ATP8A2: variants seen among roughly 807,000 people sequenced by gnomAD.
ATP8A2 encodes the protein phospholipid-transporting ATPase IB.
Under a neutral mutation model 165.6 loss-of-function variants are expected in ATP8A2, and 100 were observed. That is an observed-to-expected ratio of 0.60 (90% CI 0.51 to 0.71). The LOEUF (loss-of-function observed/expected upper bound fraction) is 0.71. Among genes scored for constraint, ATP8A2 ranks in the 30% least tolerant of loss-of-function variants. The pLI is 0.00. For missense variants in ATP8A2, 1,227 were observed against 1,479.5 expected (o/e 0.83, Z 2.80); for synonymous variants, 543 against 548.8 (o/e 0.99, Z 0.15).
intron 1 of ATP8A2, among the ~76,000 whole-genome samples, chr13:25,405,895 C>G (rs1008461470): frequency 1.1e-4 from 16 of 152,226 alleles, no homozygotes; most frequent in Non-Finnish European, 1.9e-4. Flanking sequence ...TCCCCTTTAA[C>G]TCTTTTTTTA....
At chr13:25,718,667 C>T (rs1402516735) in intron 25 of ATP8A2, among the ~76,000 whole-genome samples, 2 of 152,062 alleles carry the variant, frequency 1.3e-5, no homozygotes, top group Non-Finnish European at 2.9e-5. Flanking sequence ...AAGAGCACCC[C>T]CTGAGACAGA....
Position 25,669,132 on chromosome 13 carries a change from G to A in ATP8A2, c.2212-30041G>A, listed in dbSNP as rs2042214700. 2.6e-5 allele frequency among the ~76,000 whole-genome samples: 4 copies of A among 151,590 alleles called. No homozygotes were observed. In the South Asian group the frequency reaches 8.3e-4, roughly 32 times the overall value. On this transcript the variant is annotated intron_variant, in intron 24 of 36. Transcript: ENST00000381655. ...CTTGTAATTTTTTTTTTGAAAACTA[G>A]TTGTTTTGAATATTGTTATATGGTA...
At chr13:25,548,086 C>T (rs766770158) in intron 10 of ATP8A2, among the ~76,000 whole-genome samples, 43 of 151,940 alleles carry the variant, frequency 2.8e-4, no homozygotes, top group Non-Finnish European at 5.9e-4. Context: ...ATTAGCTGGG[C>T]GTGGTGGTAT....
At chr13:25,608,416 G>A (rs967333159) in intron 24 of ATP8A2, among the ~76,000 whole-genome samples, 4 of 152,194 alleles carry the variant, frequency 2.6e-5, no homozygotes, top group African/African-American at 4.8e-5. Context: ...ATGACAGTAT[G>A]TTCTCTACTC....
At chr13:25,571,254 G>A (rs1593556764) in intron 17 of ATP8A2, among the ~76,000 whole-genome samples, 1 of 152,140 alleles carries the variant, frequency 6.6e-6, no homozygotes, top group Admixed American at 6.5e-5. Flanking sequence ...TGAGGCTTGG[G>A]AATCCCACAG....
Position 25,839,118 on chromosome 13 carries a change from A to G in ATP8A2, c.2878-428A>G, listed in dbSNP as rs531690395. Among the ~76,000 whole-genome samples, 11 of 152,334 alleles carry G rather than the reference A, an allele frequency of 7.2e-5. No individual in the cohort carries two copies. The South Asian group carries it at 2.3e-3, about 32-fold the overall frequency. On this transcript the variant is annotated intron_variant, in intron 29 of 36. Transcript: ENST00000381655. ...GTTTTCAGTGCTTTTAAGACATCCCATCTGCCCCGACACAGTTTAATTGTT... is the reference window on the plus strand; with the variant it reads ...GTTTTCAGTGCTTTTAAGACATCCCGTCTGCCCCGACACAGTTTAATTGTT...
intron 33 of ATP8A2, among the ~76,000 whole-genome samples, chr13:25,914,241 A>C (rs1035192163): frequency 6.6e-6 from 1 of 151,988 alleles, no homozygotes; most frequent in Admixed American, 6.5e-5. Flanking sequence ...GTGTTTTCCT[A>C]TGGTATCACT....
chr13:25,437,878 A>C (rs1202916974), intron 1 of ATP8A2, among the ~76,000 whole-genome samples: 1 of 152,190 alleles, frequency 6.6e-6, no homozygotes, highest in African/African-American at 2.4e-5. Flanking sequence ...ATAATACCCA[A>C]AATGATTCTT....
intron 1 of ATP8A2, among the ~76,000 whole-genome samples, chr13:25,395,186 GA>G: frequency 6.6e-6 from 1 of 152,230 alleles, no homozygotes; most frequent in East Asian, 1.9e-4. Flanking sequence ...TAGGATGGTA[GA>G]GGGGCAGGGT....
Position 25,768,919 on chromosome 13 carries a change from C to T in ATP8A2, c.2385-127C>T, listed in dbSNP as rs951521638. On this transcript the variant is annotated intron_variant, in intron 25 of 36. Transcript: ENST00000381655. ...TTCTGAAAGCTTCTTTGCACATGAG[C>T]ATAAAATGGATGTATTGAATTTGGA... The T allele has an allele frequency of 2.6e-5, 23 of 887,822 alleles. No individual in the cohort carries two copies. The African/African-American group carries it at 3.7e-4, about 14-fold the overall frequency. 55.0% of individuals were successfully genotyped at this position (887,822 alleles called of 1,614,324 possible).
intron 27 of ATP8A2, among the ~76,000 whole-genome samples, chr13:25,810,512 CT>C (rs1005383413): frequency 1.1e-4 from 15 of 141,554 alleles, no homozygotes; most frequent in African/African-American, 1.0e-4. Context: ...GAACATCTGT[CT>C]TTTTTTTTTA....
intron 24 of ATP8A2, among the ~76,000 whole-genome samples, chr13:25,671,016 A>T (rs1188317053): frequency 2.0e-5 from 3 of 152,258 alleles, no homozygotes; most frequent in Non-Finnish European, 2.9e-5. Context: ...TGTTGCGGGA[A>T]GTCAGGGACC....
chr13:25,827,946 G>A (rs1361686575), intron 27 of ATP8A2, among the ~76,000 whole-genome samples, 172 bp from the exon 28 acceptor site: 2 of 152,172 alleles, frequency 1.3e-5, no homozygotes, highest in Non-Finnish European at 2.9e-5. Context: ...ATGGATTTCT[G>A]TGATATCGGG....
At position 25,379,310 on chromosome 13, in the gene ATP8A2, T is replaced by C. The variant is rs535438826; in HGVS notation, c.76+7022T>C. On this transcript the variant is annotated intron_variant, in intron 1 of 36. Transcript: ENST00000381655. ...AATATTTTAAGCACATTATGGAGACTGATTATATAGGAAACTGGGGTAAGC... is the reference window on the plus strand; with the variant it reads ...AATATTTTAAGCACATTATGGAGACCGATTATATAGGAAACTGGGGTAAGC... Among the ~76,000 whole-genome samples the C allele has an allele frequency of 3.3e-5, 5 of 152,326 alleles. No homozygotes were observed. In the East Asian group the frequency reaches 9.6e-4, roughly 29 times the overall value.
intron 29 of ATP8A2, 53 bp downstream of exon 29, chr13:25,837,338 A>T: frequency 6.3e-7 from 1 of 1,594,946 alleles, no homozygotes; most frequent in Non-Finnish European, 8.6e-7. Context: ...TGGCTGTTTG[A>T]TTCTAGTCAT....
intron 33 of ATP8A2, among the ~76,000 whole-genome samples, chr13:25,919,478 G>A (rs1954375794): frequency 6.6e-6 from 1 of 152,142 alleles, no homozygotes. Context: ...GCTGAGGAGG[G>A]CTGTCTGAGC....
intron 33 of ATP8A2, among the ~76,000 whole-genome samples, chr13:25,885,304 C>A (rs1323421619): frequency 6.6e-6 from 1 of 151,702 alleles, no homozygotes; most frequent in Non-Finnish European, 1.5e-5. Context: ...GTAGAGATGG[C>A]GTTTCACCAT....
chr13:25,491,670 G>A lies in ATP8A2; in HGVS notation c.221+22549G>A, dbSNP rs576165262. Among the ~76,000 whole-genome samples the A allele has an allele frequency of 2.0e-5, 3 of 152,334 alleles. No homozygotes were observed. In the South Asian group the frequency reaches 6.2e-4, roughly 32 times the overall value. On this transcript the variant is annotated intron_variant, in intron 2 of 36. Coordinates refer to ENST00000381655, the MANE Select transcript of ATP8A2 (RefSeq NM_016529.6). ...ATCTAACATTTAAGATAGCAAAACA[G>A]AGTATGAACTGCAGGGTATGATATT...
At chr13:25,538,531 C>T (rs1014180764) in intron 7 of ATP8A2, among the ~76,000 whole-genome samples, 1 of 152,174 alleles carries the variant, frequency 6.6e-6, no homozygotes, top group African/African-American at 2.4e-5. Flanking sequence ...CTTCATCCAT[C>T]CATGTTTTGC....
Sources: allele counts gnomAD v4.1 joint callset (sites outside exome capture counted in the v4.1 genomes callset), GRCh38; gene constraint gnomAD v4.1.1; transcripts MANE v1.5; gene names NCBI Gene and HGNC (gene_info 2026-07-23, HGNC 2026-07-21).